Variants in FSTL5 observed in about 807,000 individuals in gnomAD.
The protein encoded by FSTL5 is follistatin like 5.
FSTL5 carries 62 observed loss-of-function variants against 89.1 expected under a neutral mutation model. The observed-to-expected ratio is 0.70, with a 90% CI of 0.57 to 0.86. The LOEUF (loss-of-function observed/expected upper bound fraction) is 0.86. Among genes scored for constraint, FSTL5 ranks in the 40% least tolerant of loss-of-function variants. The pLI, the probability that FSTL5 is intolerant of heterozygous loss-of-function variation, is 0.00. For missense variants in FSTL5, 1,057 were observed against 1,001.6 expected (o/e 1.06, Z -0.75); for synonymous variants, 383 against 346.2 (o/e 1.11, Z -1.18).
chr4:161,615,151 G>C (rs935254426), intron 7 of FSTL5, among the ~76,000 whole-genome samples: 1 of 151,728 alleles, frequency 6.6e-6, no homozygotes, highest in East Asian at 1.9e-4. Context: ...AAAATTAGCC[G>C]GGTGTGGAAG....
intron 1 of FSTL5, among the ~76,000 whole-genome samples, chr4:162,113,572 T>C (rs906898804): frequency 6.6e-6 from 1 of 152,222 alleles, no homozygotes. Context: ...CCAAAATCCC[T>C]GACCTAGCTG....
intron 1 of FSTL5, among the ~76,000 whole-genome samples, chr4:162,136,058 A>G (rs1732507894): frequency 6.6e-6 from 1 of 152,064 alleles, no homozygotes; most frequent in African/African-American, 2.4e-5. Context: ...AAATTCAGAA[A>G]TGTGACTGAG....
At chr4:161,534,700 T>C (rs1417103311) in intron 10 of FSTL5, among the ~76,000 whole-genome samples, 2 of 152,114 alleles carry the variant, frequency 1.3e-5, no homozygotes, top group Non-Finnish European at 2.9e-5. Flanking sequence ...ACCAATGTTG[T>C]ATCTCACAGT....
intron 2 of FSTL5, among the ~76,000 whole-genome samples, chr4:162,099,216 A>T (rs1730887656): frequency 6.6e-6 from 1 of 152,098 alleles, no homozygotes; most frequent in Non-Finnish European, 1.5e-5. Context: ...TAACTATAGC[A>T]CGCTAAGTGT....
chr4:161,481,087 A>G lies in FSTL5; in HGVS notation c.1541T>C (p.Ile514Thr), dbSNP rs1290469186. The G allele has an allele frequency of 6.2e-6, 10 of 1,613,244 alleles. No homozygotes were observed. Among genetic ancestry groups the G allele is most frequent in the Admixed American group, 1.7e-5 (1 of 59,994 alleles). The part of the protein sequence containing the change: ...ASAVNVKDKF[I>T]YVAQPTLDRV... ...GTCCAAAGTTGGCTGTGCAACATAA[A>G]TGAACTTGTCTTTGACATTAACAGC... Residue 514 changes from isoleucine to threonine, a missense_variant, in exon 13 of 16, where the codon ATT becomes ACT. Physicochemically the swap from Ile to Thr is moderately conservative, Grantham distance 89. Transcript: ENST00000306100.
At chr4:161,663,713 G>T (rs1736793100) in intron 6 of FSTL5, among the ~76,000 whole-genome samples, 2 of 152,158 alleles carry the variant, frequency 1.3e-5, no homozygotes, top group African/African-American at 4.8e-5. Context: ...TCTTCCTACA[G>T]CTCCACTAGG....
intron 4 of FSTL5, among the ~76,000 whole-genome samples, chr4:161,900,906 T>C (rs1331878956): frequency 4.6e-5 from 7 of 152,058 alleles, no homozygotes; most frequent in African/African-American, 1.4e-4. Flanking sequence ...TTTGTAAATA[T>C]CAGTACTGTT....
chr4:161,747,705 T>C (rs1280496851), intron 6 of FSTL5, among the ~76,000 whole-genome samples: 1 of 152,168 alleles, frequency 6.6e-6, no homozygotes, highest in African/African-American at 2.4e-5. Context: ...ATAGCAACAG[T>C]TCCCACTAGG....
chr4:161,805,269 A>C (rs1729927710), intron 4 of FSTL5, among the ~76,000 whole-genome samples: 1 of 152,134 alleles, frequency 6.6e-6, no homozygotes, highest in Non-Finnish European at 1.5e-5. Context: ...AGAAACAACA[A>C]CTAAGAAATA....
intron 15 of FSTL5, among the ~76,000 whole-genome samples, chr4:161,445,751 T>A (rs1388970651): frequency 6.6e-6 from 1 of 152,016 alleles, no homozygotes; most frequent in Non-Finnish European, 1.5e-5. Flanking sequence ...TGGATTTCCT[T>A]GTTATGGTTC....
chr4:161,627,069 T>C (rs995744389), intron 7 of FSTL5, among the ~76,000 whole-genome samples: 8 of 152,186 alleles, frequency 5.3e-5, no homozygotes, highest in Non-Finnish European at 8.8e-5. Context: ...GTAAACTTAG[T>C]TGATAAAGGG....
intron 7 of FSTL5, among the ~76,000 whole-genome samples, chr4:161,625,896 A>G (rs1365915770): frequency 6.6e-6 from 1 of 152,136 alleles, no homozygotes; most frequent in Non-Finnish European, 1.5e-5. Context: ...AGATCAAACC[A>G]CCCACAACAT....
Position 162,138,597 on chromosome 4 carries a change from C to G in FSTL5, c.-17+25018G>C, listed in dbSNP as rs1393493465. Among the ~76,000 whole-genome samples, 4 of 151,942 alleles carry G rather than the reference C, an allele frequency of 2.6e-5. No homozygotes were observed. The East Asian group carries it at 7.7e-4, about 29-fold the overall frequency. On this transcript the variant is annotated intron_variant, in intron 1 of 15. Coordinates refer to ENST00000306100, the MANE Select transcript of FSTL5 (RefSeq NM_020116.5). ...CAGCAAAGGAAAATGCTTGCTATTA[C>G]CCATACTGTTTAGGATTGTACTGGA... is the stretch of plus-strand genomic sequence containing the variant.
At chr4:161,740,180 C>T (rs1030590753) in intron 6 of FSTL5, among the ~76,000 whole-genome samples, 7 of 151,842 alleles carry the variant, frequency 4.6e-5, no homozygotes, top group Non-Finnish European at 7.4e-5. Flanking sequence ...CCACCATGCC[C>T]GGCTAATTTT....
chr4:161,862,873 C>A (rs1203650183), intron 4 of FSTL5, among the ~76,000 whole-genome samples: 1 of 152,084 alleles, frequency 6.6e-6, no homozygotes, highest in Non-Finnish European at 1.5e-5. Flanking sequence ...AAAATAAAAG[C>A]TGTAAATGTA....
chr4:161,860,671 A>C (rs1395860968), intron 4 of FSTL5, among the ~76,000 whole-genome samples: 1 of 152,154 alleles, frequency 6.6e-6, no homozygotes, highest in Non-Finnish European at 1.5e-5. Context: ...TTTTACATTT[A>C]TATTCTATTT....
chr4:161,513,273 GA>G (rs1560932027), intron 10 of FSTL5, among the ~76,000 whole-genome samples: 736 of 3,626 alleles, frequency 0.2, 24 homozygotes, highest in Admixed American at 0.32. Context: ...CAAGGAGGGG[GA>G]GAGAGAGAGA....
At chr4:161,871,721 A>T (rs1732268603) in intron 4 of FSTL5, among the ~76,000 whole-genome samples, 1 of 151,670 alleles carries the variant, frequency 6.6e-6, no homozygotes, top group Non-Finnish European at 1.5e-5. Context: ...AAACTGATTT[A>T]TTTGTTAATA....
intron 3 of FSTL5, among the ~76,000 whole-genome samples, chr4:161,946,328 A>G (rs923352167): frequency 1.3e-5 from 2 of 152,208 alleles, no homozygotes; most frequent in Non-Finnish European, 2.9e-5. Context: ...GCTTCAGAAG[A>G]CATGAAACTT....
Sources: gnomAD v4.1 joint callset for allele counts (sites outside exome capture counted in the v4.1 genomes callset) on GRCh38, gnomAD v4.1.1 for gene constraint, MANE v1.5 for transcripts, NCBI Gene and HGNC (gene_info 2026-07-23, HGNC 2026-07-21) for gene names.